Variants in STAU2 observed in about 807,000 individuals in gnomAD.
STAU2 encodes the protein staufen double-stranded RNA binding protein 2.
Under a neutral mutation model 65.9 loss-of-function variants are expected in STAU2, and 20 were observed. The observed-to-expected ratio is 0.30, with a 90% CI of 0.21 to 0.44. The LOEUF (loss-of-function observed/expected upper bound fraction) is 0.44, where lower values mean the gene tolerates loss of function less well. STAU2 is among the 20% of genes least tolerant of loss of function. The probability of loss-of-function intolerance (pLI) is 1.00; values close to 1 mark genes in which losing one functional copy is unlikely to be tolerated. For synonymous variants in STAU2, 232 were observed against 233.9 expected (o/e 0.99, Z 0.07); for missense variants, 558 against 683.9 (o/e 0.82, Z 2.05).
At chr8:73,643,137 C>T (rs1815120006) in intron 6 of STAU2, among the ~76,000 whole-genome samples, 1 of 152,094 alleles carries the variant, frequency 6.6e-6, no homozygotes, top group African/African-American at 2.4e-5. Flanking sequence ...CCATTCTTTC[C>T]CATCTCAGTA....
chr8:73,469,539 C>G (rs1006554624), intron 13 of STAU2, among the ~76,000 whole-genome samples: 2 of 151,034 alleles, frequency 1.3e-5, no homozygotes, highest in African/African-American at 4.9e-5. Flanking sequence ...GGAGACGGGA[C>G]AGATGTGGTA....
intron 6 of STAU2, among the ~76,000 whole-genome samples, chr8:73,631,722 A>C (rs955795073): frequency 6.6e-6 from 1 of 152,192 alleles, no homozygotes; most frequent in Non-Finnish European, 1.5e-5. Flanking sequence ...ACAAATCATA[A>C]GGAAATAAAT....
At chr8:73,679,947 C>A (rs1269174433) in intron 5 of STAU2, among the ~76,000 whole-genome samples, 1 of 148,720 alleles carries the variant, frequency 6.7e-6, no homozygotes, top group Admixed American at 6.7e-5. Context: ...ATAAGAGACC[C>A]CTGTAGACAC....
chr8:73,542,116 C>T (rs1331159542), intron 13 of STAU2, among the ~76,000 whole-genome samples: 2 of 152,000 alleles, frequency 1.3e-5, no homozygotes, highest in African/African-American at 4.8e-5. Flanking sequence ...GTATCCCAAA[C>T]TAGATTAAAA....
At chr8:73,661,212 C>T (rs147114419) in intron 6 of STAU2, among the ~76,000 whole-genome samples, 343 of 152,154 alleles carry the variant, frequency 2.3e-3, no homozygotes, top group East Asian at 0.02. Context: ...AGCTAAAATG[C>T]AATAAAGGCT....
At chr8:73,620,091 T>A (rs1364566389) in intron 6 of STAU2, among the ~76,000 whole-genome samples, 2 of 152,220 alleles carry the variant, frequency 1.3e-5, no homozygotes, top group Non-Finnish European at 2.9e-5. Context: ...ATCCCTTTAA[T>A]GCAGAAATTT....
At chr8:73,448,447 T>C (rs1818601669) in intron 13 of STAU2, among the ~76,000 whole-genome samples, 1 of 152,232 alleles carries the variant, frequency 6.6e-6, no homozygotes, top group Non-Finnish European at 1.5e-5. Flanking sequence ...CACGCCCGGC[T>C]AATTTTTTGT....
intron 1 of STAU2, among the ~76,000 whole-genome samples, chr8:73,746,488 C>T (rs923310198): frequency 6.6e-6 from 1 of 151,912 alleles, no homozygotes; most frequent in African/African-American, 2.4e-5. Flanking sequence ...CGCCTTCCTC[C>T]CGGCTCCTCC....
chr8:73,498,114 T>C (rs1821531954), intron 13 of STAU2, among the ~76,000 whole-genome samples: 1 of 151,982 alleles, frequency 6.6e-6, no homozygotes, highest in Non-Finnish European at 1.5e-5. Context: ...TATTATTTAA[T>C]GAACATTTAG....
intron 12 of STAU2, among the ~76,000 whole-genome samples, chr8:73,562,965 A>T (rs1563424166): frequency 1.3e-5 from 2 of 151,630 alleles, no homozygotes; most frequent in East Asian, 1.9e-4. Flanking sequence ...TTTTTAAAAT[A>T]ATATATATAT....
intron 13 of STAU2, among the ~76,000 whole-genome samples, chr8:73,452,446 C>T (rs1024531971): frequency 3.9e-5 from 6 of 152,198 alleles, no homozygotes; most frequent in African/African-American, 7.2e-5. Flanking sequence ...ATGCATCCCA[C>T]GGAAGGCCTG....
At chr8:73,570,260 A>G (rs1808950410) in intron 12 of STAU2, among the ~76,000 whole-genome samples, 1 of 152,168 alleles carries the variant, frequency 6.6e-6, no homozygotes, top group Non-Finnish European at 1.5e-5. Context: ...AAGTTTAGAG[A>G]AAAAAAGAGT....
chr8:73,578,826 T>C (rs868155285), intron 12 of STAU2, among the ~76,000 whole-genome samples: 8 of 152,322 alleles, frequency 5.3e-5, no homozygotes, highest in Middle Eastern at 6.8e-3. Context: ...TGGCTCCAAC[T>C]GTTTTAACTG....
At chr8:73,611,215 A>G (rs1812432821) in intron 9 of STAU2, among the ~76,000 whole-genome samples, 1 of 152,212 alleles carries the variant, frequency 6.6e-6, no homozygotes, top group Admixed American at 6.5e-5. Context: ...AGGTATGAAC[A>G]TACTTAAAAT....
At chr8:73,669,228 C>G (rs1009361065) in intron 6 of STAU2, 1 of 612,854 alleles carries the variant, frequency 1.6e-6, no homozygotes, top group Non-Finnish European at 2.9e-6. Context: ...TGGTAGCTTA[C>G]TAGTACTTTC....
intron 13 of STAU2, among the ~76,000 whole-genome samples, chr8:73,512,011 ATTC>A (rs1248154886): frequency 1.3e-5 from 2 of 152,154 alleles, no homozygotes; most frequent in Non-Finnish European, 2.9e-5. Flanking sequence ...TGAAAATGTT[ATTC>A]TTTCCTGATT....
At chr8:73,651,503 G>A (rs1210042772) in intron 6 of STAU2, 13 of 720,026 alleles carry the variant, frequency 1.8e-5, no homozygotes, top group East Asian at 2.9e-5. Flanking sequence ...GTCACTGCAC[G>A]CACCCCTGGC....
intron 6 of STAU2, among the ~76,000 whole-genome samples, chr8:73,620,305 A>G (rs1301894350): frequency 6.6e-6 from 1 of 152,198 alleles, no homozygotes; most frequent in East Asian, 1.9e-4. Flanking sequence ...AACTTTCACC[A>G]TAGAGCAAAT....
At chr8:73,745,341 T>G (rs1807194376) in intron 1 of STAU2, among the ~76,000 whole-genome samples, 5 of 152,238 alleles carry the variant, frequency 3.3e-5, no homozygotes, top group Admixed American at 3.3e-4. Context: ...GTAGTTTTAT[T>G]AAATAAGATT....
Sources: gnomAD v4.1 joint callset for allele counts (sites outside exome capture counted in the v4.1 genomes callset) on GRCh38, gnomAD v4.1.1 for gene constraint, MANE v1.5 for transcripts, NCBI Gene and HGNC (gene_info 2026-07-23, HGNC 2026-07-21) for gene names.